The following CTNNA2 variants were observed in gnomAD, a reference collection of about 807,000 sequenced individuals.
The protein encoded by CTNNA2 is catenin alpha-2.
A neutral mutation model predicts 101.0 loss-of-function variants in CTNNA2; 42 were observed. The ratio of observed to expected loss-of-function variants is 0.42; its 90% CI spans 0.32 to 0.54. The LOEUF is 0.54. Among genes scored for constraint, CTNNA2 ranks in the 20% least tolerant of loss-of-function variants. The pLI, the probability that CTNNA2 is intolerant of heterozygous loss-of-function variation, is 0.14. For missense variants in CTNNA2, 871 were observed against 1,223.1 expected (o/e 0.71, Z 4.29); for synonymous variants, 450 against 456.4 (o/e 0.99, Z 0.18).
intron 15 of CTNNA2, among the ~76,000 whole-genome samples, chr2:80,595,704 T>C (rs546855126): frequency 6.6e-6 from 1 of 152,258 alleles, no homozygotes; most frequent in South Asian, 2.1e-4. Context: ...GAGGTCTCTG[T>C]TATGTTCTGT....
At chr2:80,405,242 C>T (rs1020097857) in intron 8 of CTNNA2, among the ~76,000 whole-genome samples, 2 of 152,126 alleles carry the variant, frequency 1.3e-5, no homozygotes, top group Non-Finnish European at 2.9e-5. Context: ...ACGATCGCTG[C>T]AATTCTTCAG....
At chr2:80,459,588 T>C (rs2149469781) in intron 9 of CTNNA2, among the ~76,000 whole-genome samples, 1 of 152,248 alleles carries the variant, frequency 6.6e-6, no homozygotes, top group South Asian at 2.1e-4. Context: ...AGGGAGTCTG[T>C]TGAAAGTGGC....
chr2:79,813,224 C>T (rs1677191413), intron 3 of CTNNA2, among the ~76,000 whole-genome samples: 4 of 152,178 alleles, frequency 2.6e-5, no homozygotes. Context: ...CCTGGGCACA[C>T]TCCTTGCTTA....
chr2:79,920,582 G>A (rs1209553936), intron 7 of CTNNA2, among the ~76,000 whole-genome samples: 1 of 151,992 alleles, frequency 6.6e-6, no homozygotes, highest in Non-Finnish European at 1.5e-5. Flanking sequence ...TGTGTTTTGA[G>A]AACTTTCAGT....
At chr2:80,600,080 G>A (rs747588081) in intron 15 of CTNNA2, among the ~76,000 whole-genome samples, 1 of 151,538 alleles carries the variant, frequency 6.6e-6, no homozygotes. Flanking sequence ...AAAGATAAAA[G>A]GGAATAAAAT....
At chr2:80,487,755 C>T (rs6734070) in intron 9 of CTNNA2, among the ~76,000 whole-genome samples, 5,098 of 152,198 alleles carry the variant, frequency 0.033, 287 homozygotes, top group African/African-American at 0.11. Flanking sequence ...TCATATGAAT[C>T]CTAAAAGAAA....
chr2:80,533,090 A>G (rs998827097), intron 9 of CTNNA2, among the ~76,000 whole-genome samples: 7 of 152,316 alleles, frequency 4.6e-5, no homozygotes, highest in Middle Eastern at 3.4e-3. Flanking sequence ...CATGATAGCT[A>G]TGTGTGTATC....
chr2:79,189,117 T>C (rs1391595513), intron 1 of CTNNA2, among the ~76,000 whole-genome samples: 2 of 152,208 alleles, frequency 1.3e-5, no homozygotes, highest in South Asian at 2.1e-4. Flanking sequence ...TAGACCCACG[T>C]TGGCACACAG....
Position 79,617,829 on chromosome 2 carries a change from G to A in CTNNA2, c.-5-33723G>A, listed in dbSNP as rs183236805. Among the ~76,000 whole-genome samples, 120 of 152,138 alleles carry A rather than the reference G, an allele frequency of 7.9e-4. 2 individuals are homozygous for A. The East Asian group carries it at 0.018, about 23-fold the overall frequency. ...CCAGCCTCCTCTTGTTCTTTCCCTC[G>A]CTACTTCAGGGTGTTGGTGATTTTT... is the stretch of plus-strand genomic sequence containing the variant. On this transcript the variant is annotated intron_variant, in intron 1 of 18. Transcript: ENST00000402739.
intron 3 of CTNNA2, among the ~76,000 whole-genome samples, chr2:79,757,980 T>C (rs1672510063): frequency 6.6e-6 from 1 of 152,226 alleles, no homozygotes; most frequent in African/African-American, 2.4e-5. Context: ...TTGCTACAAC[T>C]GGACAACAGA....
At chr2:80,377,654 T>C (rs958987258) in intron 7 of CTNNA2, among the ~76,000 whole-genome samples, 1 of 152,188 alleles carries the variant, frequency 6.6e-6, no homozygotes, top group African/African-American at 2.4e-5. Flanking sequence ...TAAAATGAGA[T>C]AACATTGATT....
rs1467726609 is a variant in CTNNA2 at position 79,822,486 on chromosome 2, A to C, written c.299-35527A>C. Among the ~76,000 whole-genome samples the C allele has an allele frequency of 5.9e-5, 9 of 152,174 alleles. No homozygotes were observed. In the East Asian group the frequency reaches 1.7e-3, roughly 29 times the overall value. On this transcript the variant is annotated intron_variant, in intron 3 of 18. Transcript: ENST00000402739. Reference sequence around the variant, plus strand: ...TCCTATTCTCTTCATCTCCTTTATCAAATGTAATTTATGTTAAATATTGTG... The same window carrying C: ...TCCTATTCTCTTCATCTCCTTTATCCAATGTAATTTATGTTAAATATTGTG...
chr2:80,435,748 T>C (rs552261786), intron 9 of CTNNA2, among the ~76,000 whole-genome samples: 2 of 152,226 alleles, frequency 1.3e-5, no homozygotes, highest in Non-Finnish European at 2.9e-5. Flanking sequence ...TCATACTCCA[T>C]AAGCGCTTAA....
At chr2:80,307,530 C>A (rs1677146243) in intron 7 of CTNNA2, among the ~76,000 whole-genome samples, 1 of 152,048 alleles carries the variant, frequency 6.6e-6, no homozygotes, top group African/African-American at 2.4e-5. Context: ...TGCTTATTCT[C>A]TCATATGTCT....
chr2:80,576,765 A>T (rs1695082762), intron 13 of CTNNA2, among the ~76,000 whole-genome samples: 1 of 134,742 alleles, frequency 7.4e-6, no homozygotes, highest in African/African-American at 2.7e-5. Context: ...CCTGGCCAAC[A>T]TGGTGAAACC....
chr2:79,588,430 A>G (rs972208038), intron 1 of CTNNA2, among the ~76,000 whole-genome samples: 7 of 152,228 alleles, frequency 4.6e-5, no homozygotes, highest in African/African-American at 1.4e-4. Context: ...CTTTCTGGAT[A>G]AAGATATACT....
At chr2:79,679,503 C>T (rs932895329) in intron 2 of CTNNA2, among the ~76,000 whole-genome samples, 1 of 151,990 alleles carries the variant, frequency 6.6e-6, no homozygotes, top group Non-Finnish European at 1.5e-5. Flanking sequence ...GCTCTGGAGT[C>T]TCTGCCCTGT....
intron 2 of CTNNA2, among the ~76,000 whole-genome samples, chr2:79,242,561 T>A (rs1028407435): frequency 2.6e-5 from 4 of 152,156 alleles, no homozygotes; most frequent in Admixed American, 6.5e-5. Context: ...TGCAAACAAG[T>A]CATTCTTCTC....
chr2:80,596,040 G>C (rs1255106229), intron 15 of CTNNA2, among the ~76,000 whole-genome samples: 1 of 151,876 alleles, frequency 6.6e-6, no homozygotes, highest in East Asian at 1.9e-4. Context: ...TTATTTCCTT[G>C]AGCAGTGGTT....
Sources: allele counts gnomAD v4.1 joint callset (sites outside exome capture counted in the v4.1 genomes callset), GRCh38; gene constraint gnomAD v4.1.1; transcripts MANE v1.5; gene names NCBI Gene and HGNC (gene_info 2026-07-23, HGNC 2026-07-21).